Variants in PCSK5 observed in about 807,000 individuals in gnomAD.
PCSK5 encodes the protein proprotein convertase subtilisin/kexin type 5, also known as prohormone convertase 5.
PCSK5 carries 129 observed loss-of-function variants against 233.2 expected under a neutral mutation model. That is an observed-to-expected ratio of 0.55 (90% CI 0.48 to 0.64). PCSK5 has a LOEUF of 0.64. PCSK5 is among the 30% of genes least tolerant of loss of function. The pLI, the probability that PCSK5 is intolerant of heterozygous loss-of-function variation, is 0.00. For synonymous variants in PCSK5, 825 were observed against 879.2 expected (o/e 0.94, Z 1.09); for missense variants, 2,076 against 2,430.1 (o/e 0.85, Z 3.06).
chr9:76,295,449 G>C (rs1444027845), intron 26 of PCSK5, 38 bp downstream of exon 26: 1 of 1,602,906 alleles, frequency 6.2e-7, no homozygotes, highest in African/African-American at 1.3e-5. Context: ...CTAAGAACCA[G>C]GCACTGGAGC....
intron 9 of PCSK5, among the ~76,000 whole-genome samples, chr9:76,111,572 A>G (rs1832216760): frequency 6.6e-6 from 1 of 152,150 alleles, no homozygotes; most frequent in Non-Finnish European, 1.5e-5. Context: ...GTTTAATAGT[A>G]TGATTTTTTT....
At chr9:76,247,225 G>C (rs1459656524) in intron 24 of PCSK5, among the ~76,000 whole-genome samples, 1 of 152,164 alleles carries the variant, frequency 6.6e-6, no homozygotes. Flanking sequence ...CTGTGACAGC[G>C]GCAAACAGCA....
At chr9:75,920,870 C>T (rs1256206725) in intron 1 of PCSK5, among the ~76,000 whole-genome samples, 1 of 152,000 alleles carries the variant, frequency 6.6e-6, no homozygotes, top group East Asian at 1.9e-4. Flanking sequence ...AAAATAGCCT[C>T]TGTTTACCAG....
chr9:76,190,169 CA>C (rs1824302076), intron 20 of PCSK5, among the ~76,000 whole-genome samples: 1 of 152,178 alleles, frequency 6.6e-6, no homozygotes, highest in South Asian at 2.1e-4. Context: ...CATTATCACC[CA>C]AAGTCCACAA....
At chr9:76,088,078 G>A (rs1587610371) in intron 7 of PCSK5, among the ~76,000 whole-genome samples, 1 of 152,218 alleles carries the variant, frequency 6.6e-6, no homozygotes, top group Admixed American at 6.5e-5. Flanking sequence ...GTGTTGTCTG[G>A]AAGCCAGTCT....
chr9:76,211,711 G>A (rs1025567033), intron 20 of PCSK5, among the ~76,000 whole-genome samples: 6 of 152,212 alleles, frequency 3.9e-5, no homozygotes, highest in Admixed American at 1.3e-4. Flanking sequence ...AGTCAGGCAT[G>A]GCGGTGCACG....
At position 76,020,896 on chromosome 9, in the gene PCSK5, T is replaced by C. The variant is rs753999554; in HGVS notation, c.412-2842T>C. 4.6e-5 allele frequency among the ~76,000 whole-genome samples: 7 copies of C among 152,282 alleles called. No individual in the cohort carries two copies. The South Asian group carries it at 6.2e-4, about 14-fold the overall frequency. ...TTCATGTCACAATCGATACCGCAGG[T>C]GGCCACGGCAGGTTTTGAAAGGAGA... is the stretch of plus-strand genomic sequence containing the variant. On this transcript the variant is annotated intron_variant, in intron 3 of 37. Coordinates refer to ENST00000674117, the MANE Select transcript of PCSK5 (RefSeq NM_001372043.1).
chr9:75,959,377 A>G (rs923757805), intron 2 of PCSK5, among the ~76,000 whole-genome samples: 1 of 152,172 alleles, frequency 6.6e-6, no homozygotes, highest in Non-Finnish European at 1.5e-5. Flanking sequence ...CAGGCTGATG[A>G]GGTAGATACC....
intron 6 of PCSK5, among the ~76,000 whole-genome samples, chr9:76,068,455 TG>T (rs1470692432): frequency 6.6e-6 from 1 of 152,176 alleles, no homozygotes; most frequent in Non-Finnish European, 1.5e-5. Flanking sequence ...TTTTTGTTTT[TG>T]TTTTTTTTCC....
At chr9:75,985,008 C>G (rs1826445438) in intron 2 of PCSK5, among the ~76,000 whole-genome samples, 1 of 152,262 alleles carries the variant, frequency 6.6e-6, no homozygotes, top group East Asian at 1.9e-4. Flanking sequence ...ACAAAGCTCC[C>G]TTCCTCCCCA....
At chr9:76,294,729 C>A (rs1029968646) in intron 25 of PCSK5, among the ~76,000 whole-genome samples, 2 of 152,110 alleles carry the variant, frequency 1.3e-5, no homozygotes, top group African/African-American at 4.8e-5. Context: ...AGTACCCCTT[C>A]TTTCTCCCCA....
intron 12 of PCSK5, among the ~76,000 whole-genome samples, chr9:76,165,252 T>C (rs911962097): frequency 1.3e-5 from 2 of 152,238 alleles, no homozygotes; most frequent in African/African-American, 4.8e-5. Context: ...ATTAGCCTGA[T>C]GTCTAGTTCT....
intron 22 of PCSK5, 55 bp downstream of exon 22, chr9:76,233,651 T>A: frequency 6.5e-7 from 1 of 1,534,540 alleles, no homozygotes; most frequent in Non-Finnish European, 8.9e-7. Context: ...CCTCTTCTGA[T>A]GGCCATCATT....
At chr9:75,995,284 AAAATCATCATGGAAACCTTAGTGACTC>A (rs879266384) in intron 3 of PCSK5, among the ~76,000 whole-genome samples, 10 of 152,234 alleles carry the variant, frequency 6.6e-5, no homozygotes, top group Non-Finnish European at 1.5e-4. Flanking sequence ...AGAAACCATA[AAAATCATCATGGAAACCTTAGTGACTC>A]ACACAGTTCC....
At chr9:76,180,863 C>T (rs1443104152) in intron 15 of PCSK5, among the ~76,000 whole-genome samples, 1 of 151,178 alleles carries the variant, frequency 6.6e-6, no homozygotes, top group Non-Finnish European at 1.5e-5. Flanking sequence ...ATAAATAAAG[C>T]TCTGTGCTTC....
intron 24 of PCSK5, among the ~76,000 whole-genome samples, chr9:76,272,033 T>C (rs1827528259): frequency 1.3e-5 from 2 of 152,184 alleles, no homozygotes; most frequent in Non-Finnish European, 2.9e-5. Flanking sequence ...AAAGACCCTA[T>C]TGCCAAGTAC....
Position 75,932,413 on chromosome 9 carries a change from A to G in PCSK5, c.227A>G (p.His76Arg). ...GALKDYYHFY[H>R]SRTIKRSVIS... ...CTGAAGGACTACTACCACTTCTACCATAGCAGGACGATTAAAAGGTCAGTT... is the reference window on the plus strand; with the variant it reads ...CTGAAGGACTACTACCACTTCTACCGTAGCAGGACGATTAAAAGGTCAGTT... The change falls in exon 2 of 38, where the codon CAT (histidine) becomes CGT (arginine). Residue 76 changes from histidine to arginine, a missense_variant. This residue lies in a region of PCSK5 where 190 missense variants were observed against 216.3 expected (regional missense o/e 0.88). Coordinates refer to ENST00000674117, the MANE Select transcript of PCSK5 (RefSeq NM_001372043.1). 3 of 1,613,030 alleles carry G rather than the reference A, an allele frequency of 1.9e-6. No individual in the cohort carries two copies. Among genetic ancestry groups the G allele is most frequent in the Non-Finnish European group, 2.5e-6 (3 of 1,179,046 alleles).
At chr9:76,170,283 C>G (rs1823277428) in intron 13 of PCSK5, among the ~76,000 whole-genome samples, 2 of 147,714 alleles carry the variant, frequency 1.4e-5, no homozygotes, top group Non-Finnish European at 3.0e-5. Flanking sequence ...CCCATGCCAG[C>G]TAATCTGGGT....
chr9:75,969,102 G>A (rs1457194267), intron 2 of PCSK5, among the ~76,000 whole-genome samples: 1 of 152,090 alleles, frequency 6.6e-6, no homozygotes, highest in Non-Finnish European at 1.5e-5. Context: ...TAAGGCTACT[G>A]CTAATTACTC....
Sources: gnomAD v4.1 joint callset for allele counts (sites outside exome capture counted in the v4.1 genomes callset) on GRCh38, gnomAD v4.1.1 for gene constraint, gnomAD v4.1.1 regional missense constraint, MANE v1.5 for transcripts, NCBI Gene and HGNC (gene_info 2026-07-23, HGNC 2026-07-21) for gene names.